Variants in UNC5D observed in about 807,000 individuals in gnomAD.
The protein encoded by UNC5D is netrin receptor UNC5D.
UNC5D carries 39 observed loss-of-function variants against 105.4 expected under a neutral mutation model. The ratio of observed to expected loss-of-function variants is 0.37; its 90% CI spans 0.29 to 0.48. The LOEUF (loss-of-function observed/expected upper bound fraction) is 0.48, where lower values mean the gene tolerates loss of function less well. Among genes scored for constraint, UNC5D ranks in the 20% least tolerant of loss-of-function variants. UNC5D has a pLI of 0.98. For synonymous variants in UNC5D, 452 were observed against 450.4 expected (o/e 1.00, Z -0.04); for missense variants, 991 against 1,202.4 (o/e 0.82, Z 2.60).
rs181873433 is a variant in UNC5D at position 35,284,084 on chromosome 8, G to A, written c.103+48197G>A. 9.2e-4 allele frequency among the ~76,000 whole-genome samples: 140 copies of A among 152,106 alleles called. 1 individual carries two copies. The highest frequency in any genetic ancestry group is 1.5e-3 in the Non-Finnish European group (105 of 68,012). ...AATATCAACAGAAAATCTTGGTCTT[G>A]GCCAGTTTTATGAATAAATAAAATA... On this transcript the variant is annotated intron_variant, in intron 1 of 16. Coordinates refer to ENST00000404895, the MANE Select transcript of UNC5D (RefSeq NM_080872.4).
At chr8:35,255,062 G>A (rs1224120800) in intron 1 of UNC5D, 1 of 152,306 alleles carries the variant, frequency 6.6e-6, no homozygotes, top group Non-Finnish European at 1.5e-5. Context: ...TCTTAAGTTA[G>A]AAGCCACATC....
intron 4 of UNC5D, among the ~76,000 whole-genome samples, chr8:35,636,237 G>T (rs377089545): frequency 7.2e-5 from 11 of 152,278 alleles, no homozygotes; most frequent in African/African-American, 2.6e-4. Context: ...GATGGGTTTT[G>T]TACCTACCGG....
intron 1 of UNC5D, among the ~76,000 whole-genome samples, chr8:35,334,174 C>T (rs1810843456): frequency 6.6e-6 from 1 of 152,086 alleles, no homozygotes; most frequent in African/African-American, 2.4e-5. Flanking sequence ...AACAGACCCA[C>T]CTAGACAAGG....
intron 4 of UNC5D, among the ~76,000 whole-genome samples, chr8:35,652,411 G>A (rs1427039132): frequency 6.6e-6 from 1 of 152,144 alleles, no homozygotes; most frequent in Non-Finnish European, 1.5e-5. Context: ...AAATGAGGAT[G>A]TACCTACTCT....
intron 1 of UNC5D, among the ~76,000 whole-genome samples, chr8:35,462,837 G>A (rs936828656): frequency 1.3e-5 from 2 of 152,086 alleles, no homozygotes; most frequent in Non-Finnish European, 2.9e-5. Context: ...AATTTATAAG[G>A]GGGGTTGGTC....
intron 10 of UNC5D, among the ~76,000 whole-genome samples, chr8:35,730,404 TA>T (rs1829121073): frequency 6.6e-6 from 1 of 152,192 alleles, no homozygotes; most frequent in African/African-American, 2.4e-5. Flanking sequence ...TAACCCTTTC[TA>T]GGTTCTGTTT....
intron 1 of UNC5D, among the ~76,000 whole-genome samples, chr8:35,397,065 C>A (rs572198556): frequency 6.6e-6 from 1 of 151,926 alleles, no homozygotes; most frequent in Admixed American, 6.6e-5. Context: ...TGCCACCACA[C>A]CTGGCTAATT....
intron 4 of UNC5D, among the ~76,000 whole-genome samples, chr8:35,622,869 T>C (rs1821442816): frequency 6.6e-6 from 1 of 152,196 alleles, no homozygotes; most frequent in Admixed American, 6.5e-5. Context: ...TAATAGCTCA[T>C]CCTATTCCAG....
intron 1 of UNC5D, among the ~76,000 whole-genome samples, chr8:35,249,693 C>A (rs372445348): frequency 6.6e-6 from 1 of 151,956 alleles, no homozygotes; most frequent in African/African-American, 2.4e-5. Flanking sequence ...ACCATAATAA[C>A]GTGCAAAAAG....
At chr8:35,271,765 A>G (rs1805418073) in intron 1 of UNC5D, among the ~76,000 whole-genome samples, 1 of 148,348 alleles carries the variant, frequency 6.7e-6, no homozygotes, top group South Asian at 2.1e-4. Flanking sequence ...ACATGTATAC[A>G]TATATTTACA....
intron 1 of UNC5D, among the ~76,000 whole-genome samples, chr8:35,339,745 G>A (rs918967050): frequency 6.6e-6 from 1 of 152,184 alleles, no homozygotes; most frequent in African/African-American, 2.4e-5. Flanking sequence ...TTGTTTGGAG[G>A]AAAAGCAGGT....
At chr8:35,692,457 G>C (rs1173975566) in intron 7 of UNC5D, among the ~76,000 whole-genome samples, 1 of 151,884 alleles carries the variant, frequency 6.6e-6, no homozygotes, top group Non-Finnish European at 1.5e-5. Flanking sequence ...TTTCATCCTG[G>C]AGATAGCTCT....
At chr8:35,678,710 C>T (rs1326384027) in intron 4 of UNC5D, among the ~76,000 whole-genome samples, 1 of 152,084 alleles carries the variant, frequency 6.6e-6, no homozygotes, top group Non-Finnish European at 1.5e-5. Context: ...CATTTAATGT[C>T]TACACAATAC....
At chr8:35,628,495 G>A (rs939572890) in intron 4 of UNC5D, among the ~76,000 whole-genome samples, 10 of 152,142 alleles carry the variant, frequency 6.6e-5, no homozygotes, top group African/African-American at 2.4e-4. Flanking sequence ...TTTTAAAGAT[G>A]TTCATGTACA....
At chr8:35,524,671 A>T (rs1051737266) in intron 1 of UNC5D, among the ~76,000 whole-genome samples, 3 of 149,314 alleles carry the variant, frequency 2.0e-5, no homozygotes, top group African/African-American at 7.4e-5. Flanking sequence ...AAGAAAAAAG[A>T]AAAAAAAAGG....
At chr8:35,766,840 C>T (rs1801791721) in intron 14 of UNC5D, 62 bp from the exon 15 acceptor site, 2 of 1,534,446 alleles carry the variant, frequency 1.3e-6, no homozygotes, top group South Asian at 2.6e-5. Flanking sequence ...TTAAGTCTCT[C>T]CTGTTCTAGT....
intron 14 of UNC5D, 106 bp from the exon 15 acceptor site, chr8:35,766,796 G>A: frequency 3.8e-6 from 5 of 1,304,252 alleles, no homozygotes; most frequent in Non-Finnish European, 5.1e-6. Context: ...CCTCATCGTT[G>A]TTGTTGTCGT....
chr8:35,659,174 T>C (rs1039675115), intron 4 of UNC5D, among the ~76,000 whole-genome samples: 1 of 152,178 alleles, frequency 6.6e-6, no homozygotes, highest in Admixed American at 6.5e-5. Context: ...AGCTGATTTA[T>C]GAATTGAGAG....
At chr8:35,551,862 C>T (rs536193052) in intron 2 of UNC5D, among the ~76,000 whole-genome samples, 1 of 151,322 alleles carries the variant, frequency 6.6e-6, no homozygotes, top group African/African-American at 2.4e-5. Context: ...AAGAAGTTAC[C>T]AGGGGATGCT....
Sources: allele counts gnomAD v4.1 joint callset (sites outside exome capture counted in the v4.1 genomes callset), GRCh38; gene constraint gnomAD v4.1.1; transcripts MANE v1.5; gene names NCBI Gene and HGNC (gene_info 2026-07-23, HGNC 2026-07-21).